Variants in EDIL3 observed in about 807,000 individuals in gnomAD.
EDIL3 encodes EGF-like repeat and discoidin I-like domain-containing protein 3.
In EDIL3, 37 loss-of-function variants were observed where a neutral mutation model predicts 67.4. The ratio of observed to expected loss-of-function variants is 0.55; its 90% confidence interval spans 0.42 to 0.72. The LOEUF (loss-of-function observed/expected upper bound fraction) is 0.72, where lower values mean the gene tolerates loss of function less well. EDIL3 is among the 30% of genes least tolerant of loss of function. EDIL3 has a pLI of 0.00. For missense variants in EDIL3, 527 were observed against 586.3 expected (o/e 0.90, Z 1.04); for synonymous variants, 195 against 196.3 (o/e 0.99, Z 0.05).
chr5:84,208,893 A>G (rs1204009830), intron 3 of EDIL3, among the ~76,000 whole-genome samples: 1 of 152,048 alleles, frequency 6.6e-6, no homozygotes, highest in Non-Finnish European at 1.5e-5. Context: ...CCAAAGGACT[A>G]TAAATCATGC....
intron 4 of EDIL3, among the ~76,000 whole-genome samples, chr5:84,158,408 A>G (rs185994291): frequency 1.0e-3 from 155 of 152,210 alleles, no homozygotes; most frequent in African/African-American, 3.4e-3. Context: ...ATTCAGCTGC[A>G]TTCCTACATA....
At chr5:84,249,239 A>T (rs1180351357) in intron 2 of EDIL3, among the ~76,000 whole-genome samples, 1 of 152,062 alleles carries the variant, frequency 6.6e-6, no homozygotes, top group Non-Finnish European at 1.5e-5. Context: ...AATAGATTGA[A>T]ATTATTTTTT....
chr5:84,105,272 TAAG>T (rs1747438649), intron 6 of EDIL3, among the ~76,000 whole-genome samples: 2 of 152,092 alleles, frequency 1.3e-5, no homozygotes, highest in Non-Finnish European at 2.9e-5. Context: ...AAGTGTAACT[TAAG>T]AAGCAATTTT....
intron 1 of EDIL3, among the ~76,000 whole-genome samples, chr5:84,368,644 A>G (rs1370885206): frequency 6.6e-6 from 1 of 152,164 alleles, no homozygotes; most frequent in Admixed American, 6.5e-5. Flanking sequence ...TATAAACATT[A>G]AAAAGTTTTG....
At chr5:84,272,965 T>C (rs1487411020) in intron 1 of EDIL3, among the ~76,000 whole-genome samples, 1 of 152,188 alleles carries the variant, frequency 6.6e-6, no homozygotes, top group Non-Finnish European at 1.5e-5. Flanking sequence ...AGAAATGTAT[T>C]GACTTGGGAG....
intron 2 of EDIL3, among the ~76,000 whole-genome samples, chr5:84,230,361 G>A (rs1744547474): frequency 6.6e-6 from 1 of 151,632 alleles, no homozygotes; most frequent in Non-Finnish European, 1.5e-5. Context: ...GAAGTTATAA[G>A]AAAGGAAGAA....
chr5:84,017,149 C>T (rs1036349499), intron 9 of EDIL3, among the ~76,000 whole-genome samples: 5 of 152,194 alleles, frequency 3.3e-5, no homozygotes, highest in African/African-American at 1.2e-4. Context: ...GATGTTCTCA[C>T]TCTCATATTT....
intron 1 of EDIL3, among the ~76,000 whole-genome samples, chr5:84,283,890 T>G (rs1745756422): frequency 6.6e-6 from 1 of 152,130 alleles, no homozygotes. Flanking sequence ...GCAAAACTTT[T>G]CAGTGAAAAG....
chr5:84,243,791 G>A (rs1744845862), intron 2 of EDIL3, among the ~76,000 whole-genome samples: 1 of 151,982 alleles, frequency 6.6e-6, no homozygotes, highest in Non-Finnish European at 1.5e-5. Context: ...AATAAATATT[G>A]ATTGTTGTCT....
At chr5:84,325,452 T>C (rs1746738257) in intron 1 of EDIL3, among the ~76,000 whole-genome samples, 1 of 151,642 alleles carries the variant, frequency 6.6e-6, no homozygotes. Context: ...TCACAACCAT[T>C]AGGATGATTA....
chr5:83,952,617 C>G (rs536369941), intron 10 of EDIL3, among the ~76,000 whole-genome samples: 2 of 151,804 alleles, frequency 1.3e-5, no homozygotes, highest in Non-Finnish European at 2.9e-5. Flanking sequence ...TGCCTTTCCT[C>G]TTTTCTATAA....
At chr5:83,987,589 G>A (rs888217466) in intron 9 of EDIL3, among the ~76,000 whole-genome samples, 32 of 152,148 alleles carry the variant, frequency 2.1e-4, no homozygotes, top group African/African-American at 7.5e-4. Flanking sequence ...TTTCTGAAAA[G>A]TGCAGATCCT....
chr5:84,297,532 G>A (rs186956939), intron 1 of EDIL3, among the ~76,000 whole-genome samples: 1 of 152,134 alleles, frequency 6.6e-6, no homozygotes, highest in Non-Finnish European at 1.5e-5. Flanking sequence ...ACATCAGGTC[G>A]TGGGGGTGAC....
chr5:84,332,845 A>G (rs1330484529), intron 1 of EDIL3, among the ~76,000 whole-genome samples: 1 of 152,236 alleles, frequency 6.6e-6, no homozygotes, highest in African/African-American at 2.4e-5. Flanking sequence ...CATTTGTTTA[A>G]TATCATAATA....
intron 9 of EDIL3, among the ~76,000 whole-genome samples, chr5:84,002,092 G>C (rs369821105): frequency 6.6e-6 from 1 of 152,174 alleles, no homozygotes; most frequent in East Asian, 1.9e-4. Flanking sequence ...ATGACCAAGT[G>C]GGATTTTTCC....
chr5:84,101,560 C>T (rs1395652401), intron 6 of EDIL3, among the ~76,000 whole-genome samples: 2 of 152,058 alleles, frequency 1.3e-5, no homozygotes, highest in Admixed American at 1.3e-4. Context: ...TGCACACAAA[C>T]TGGAAAGTCT....
intron 3 of EDIL3, among the ~76,000 whole-genome samples, chr5:84,202,734 A>G (rs554362293): frequency 6.6e-6 from 1 of 152,268 alleles, no homozygotes; most frequent in East Asian, 1.9e-4. Context: ...CTGAAAATGA[A>G]AGTCTGAAAT....
chr5:84,337,559 T>C (rs1357708522), intron 1 of EDIL3, among the ~76,000 whole-genome samples: 2 of 152,126 alleles, frequency 1.3e-5, no homozygotes, highest in South Asian at 2.1e-4. Context: ...AAAAAAATCA[T>C]ACCCAGAGCA....
intron 1 of EDIL3, among the ~76,000 whole-genome samples, chr5:84,284,913 A>G (rs1745780042): frequency 6.6e-6 from 1 of 152,142 alleles, no homozygotes; most frequent in African/African-American, 2.4e-5. Context: ...AACAATGGGG[A>G]AAATCTATAA....
Sources: gnomAD v4.1 joint callset for allele counts (sites outside exome capture counted in the v4.1 genomes callset) on GRCh38, gnomAD v4.1.1 for gene constraint, MANE v1.5 for transcripts, NCBI Gene and HGNC (gene_info 2026-07-23, HGNC 2026-07-21) for gene names.